Variants in POLR2F observed in about 807,000 individuals in gnomAD.
POLR2F encodes DNA-directed RNA polymerases I, II, and III subunit RPABC2.
POLR2F carries 12 observed loss-of-function variants against 22.7 expected under a neutral mutation model. That is an observed-to-expected ratio of 0.53 (90% confidence interval 0.34 to 0.86). POLR2F has a LOEUF of 0.86. Among genes scored for constraint, POLR2F ranks in the 40% least tolerant of loss-of-function variants. The pLI, the probability that POLR2F is intolerant of heterozygous loss-of-function variation, is 0.02. For synonymous variants in POLR2F, 57 were observed against 66.0 expected, an observed-to-expected ratio of 0.86 and a Z score of 0.66; for missense variants, 126 against 171.5, an observed-to-expected ratio of 0.73 and a Z score of 1.48.
In POLR2F at chr22:38,016,538, C is replaced by G. The variant is rs2084916911; in HGVS notation, c.121-9331C>G. Among the ~76,000 whole-genome samples the G allele has an allele frequency of 6.6e-6, 1 of 152,224 alleles. No individual in the cohort carries two copies. Among genetic ancestry groups the G allele is most frequent in the African/African-American group, 2.4e-5 (1 of 41,456 alleles). On this transcript the variant is annotated intron_variant, in intron 1 of 2. Transcript: ENST00000333418. This position sits in a 1 kb window ranked among gnomAD's most constrained non-coding sequence, Gnocchi z 4.4. ...TCAGAGGGGCTTAGGGGCGAGGGGG[C>G]TGCTTGGCAGGACTTGGTGGGGTGG...
At chr22:37,969,316 T>C (rs1447139764), downstream of POLR2F, 35 of 985,338 alleles carry the variant, frequency 3.6e-5, no homozygotes, top group Non-Finnish European at 4.0e-5. Flanking sequence ...GTCACCACTA[T>C]TGGTTCTGTT....
chr22:37,978,782 CT>C lies in POLR2F; in HGVS notation c.293+11622del, dbSNP rs1218261959. 5.3e-5 allele frequency among the ~76,000 whole-genome samples: 8 copies of C among 149,612 alleles called. No individual in the cohort carries two copies. The highest frequency in any genetic ancestry group is 6.0e-5 in the Non-Finnish European group (4 of 67,188). ...GAGGAAGAGGTGCTTTTCTTTCTTT[CT>C]TTTTTTTTTCTGTGAGGGAATCTCA... On this transcript the variant is annotated intron_variant, in intron 4 of 4. Coordinates refer to the POLR2F transcript ENST00000405557. The surrounding 1 kb of genome is among the most constrained non-coding windows in gnomAD (Gnocchi z 5.0).
intron 1 of POLR2F, among the ~76,000 whole-genome samples, chr22:37,996,111 C>T (rs1000462345): frequency 4.6e-5 from 7 of 152,188 alleles, no homozygotes; most frequent in African/African-American, 1.7e-4. Flanking sequence ...TCTTCTGGAG[C>T]AGGGACACCC....
chr22:38,037,726 G>T (rs574163888), intron 5 of POLR2F, among the ~76,000 whole-genome samples: 3 of 152,164 alleles, frequency 2.0e-5, no homozygotes, highest in African/African-American at 4.8e-5. Flanking sequence ...CTGAGTAGCT[G>T]GGACTACAGG....
intron 3 of POLR2F, among the ~76,000 whole-genome samples, chr22:37,959,730 A>C (rs978762895): frequency 1.4e-5 from 2 of 146,300 alleles, no homozygotes; most frequent in African/African-American, 2.5e-5. Context: ...AAAAAAAAAA[A>C]CAGAACTAGA....
intron 5 of POLR2F, among the ~76,000 whole-genome samples, chr22:38,033,808 A>G (rs1164188472): frequency 6.6e-6 from 1 of 152,144 alleles, no homozygotes; most frequent in African/African-American, 2.4e-5. Context: ...CTGACTGACG[A>G]CAGTGCCCGT....
chr22:38,007,149 G>A (rs1407782667), intron 1 of POLR2F, among the ~76,000 whole-genome samples: 2 of 152,140 alleles, frequency 1.3e-5, no homozygotes, highest in Non-Finnish European at 2.9e-5. Flanking sequence ...CTGGCACCCT[G>A]AAAGCCTGAG....
chr22:37,969,571 G>A (rs1601875113), downstream of POLR2F, among the ~76,000 whole-genome samples: 1 of 152,114 alleles, frequency 6.6e-6, no homozygotes, highest in East Asian at 1.9e-4. Flanking sequence ...TTCCGGATGT[G>A]CCCCCTGCTC....
chr22:37,953,981 G>T (rs1931244096), intron 1 of POLR2F, 174 bp downstream of exon 1: 2 of 716,496 alleles, frequency 2.8e-6, no homozygotes, highest in African/African-American at 1.8e-5. Context: ...GCACAGCCCC[G>T]GCTGGAGGCA....
intron 3 of POLR2F, among the ~76,000 whole-genome samples, chr22:37,961,272 G>T (rs1436778531): frequency 6.6e-6 from 1 of 151,854 alleles, no homozygotes; most frequent in African/African-American, 2.4e-5. Context: ...TGCCCAGGCT[G>T]GTCTTGAACT....
chr22:37,969,687 T>C (rs1931987428), downstream of POLR2F, among the ~76,000 whole-genome samples: 1 of 152,184 alleles, frequency 6.6e-6, no homozygotes, highest in South Asian at 2.1e-4. Flanking sequence ...AAGGGTGGGT[T>C]GTAAAGATTA....
At chr22:38,020,593 T>G (rs1013405311) in intron 1 of POLR2F, among the ~76,000 whole-genome samples, 10 of 151,876 alleles carry the variant, frequency 6.6e-5, no homozygotes, top group Non-Finnish European at 1.3e-4. Context: ...AAAAGAAAAT[T>G]TAGCTAAGTG....
At chr22:37,956,665 C>T (rs1931413572) in intron 1 of POLR2F, 108 bp from the exon 2 acceptor site, 1 of 896,612 alleles carries the variant, frequency 1.1e-6, no homozygotes, top group East Asian at 2.4e-5. Context: ...GATCCGCCCA[C>T]TTCAATCTCC....
intron 1 of POLR2F, among the ~76,000 whole-genome samples, chr22:37,995,119 C>A (rs905865325): frequency 2.6e-5 from 4 of 152,190 alleles, no homozygotes; most frequent in Non-Finnish European, 5.9e-5. Flanking sequence ...AAGCCAGCCA[C>A]CCTCTCTGGC....
At chr22:37,954,890 G>A (rs1931309011) in intron 1 of POLR2F, among the ~76,000 whole-genome samples, 1 of 152,158 alleles carries the variant, frequency 6.6e-6, no homozygotes, top group Non-Finnish European at 1.5e-5. Context: ...GAGAAGCCGG[G>A]GAGGTGGGGG....
chr22:37,990,912 C>G (rs1189137285), intron 1 of POLR2F, among the ~76,000 whole-genome samples: 3 of 152,218 alleles, frequency 2.0e-5, no homozygotes, highest in Non-Finnish European at 4.4e-5. Flanking sequence ...TGCCTCAGAC[C>G]CTTGGTGTTC....
intron 1 of POLR2F, among the ~76,000 whole-genome samples, chr22:37,998,011 C>A (rs1002746428): frequency 6.6e-6 from 1 of 152,170 alleles, no homozygotes; most frequent in African/African-American, 2.4e-5. Flanking sequence ...GCCCAGAGAG[C>A]CAAGACGGCT....
intron 1 of POLR2F, among the ~76,000 whole-genome samples, chr22:38,009,689 C>G (rs1343596676): frequency 6.6e-6 from 1 of 152,152 alleles, no homozygotes; most frequent in East Asian, 1.9e-4. Context: ...ACCCCACCCT[C>G]TCCCTAGGCA....
At position 37,967,695 on chromosome 22, in the gene POLR2F, G is replaced by A. The variant is rs1411258921; in HGVS notation, c.364G>A (p.Glu122Lys). Residue 122 changes from glutamate (E) to lysine (K), a missense_variant, in exon 5 of 5, where the codon GAG (glutamate) becomes AAG (lysine). Physicochemically the swap from Glu to Lys is moderately conservative, Grantham distance 56. Transcript: ENST00000442738. ...GAGCTATGAAGACTGGGGGGTGGAC[G>A]AGCTCATCATCACCGACTGAGCTGG... ...DGSYEDWGVDELIITD is the reference protein window; with the variant it reads ...DGSYEDWGVDKLIITD The A allele has an allele frequency of 2.5e-6, 4 of 1,613,534 alleles. No individual in the cohort carries two copies. Among genetic ancestry groups the A allele is most frequent in the Non-Finnish European group, 1.7e-6 (2 of 1,179,818 alleles).
Sources: allele counts gnomAD v4.1 joint callset (sites outside exome capture counted in the v4.1 genomes callset), GRCh38; gene constraint gnomAD v4.1.1; non-coding constraint Gnocchi (gnomAD v3.1); transcripts MANE v1.5; gene names NCBI Gene and HGNC (gene_info 2026-07-23, HGNC 2026-07-21).